Variants in PRRC2B observed in about 807,000 individuals in gnomAD.
PRRC2B encodes proline rich coiled-coil 2B.
A neutral mutation model predicts 242.3 loss-of-function variants in PRRC2B; 68 were observed. The ratio of observed to expected loss-of-function variants is 0.28; its 90% confidence interval spans 0.23 to 0.34. The LOEUF (loss-of-function observed/expected upper bound fraction) is 0.34, where lower values mean the gene tolerates loss of function less well. PRRC2B is among the 10% of genes least tolerant of loss of function. The probability of loss-of-function intolerance (pLI) is 1.00; values close to 1 mark genes in which losing one functional copy is unlikely to be tolerated. For synonymous variants in PRRC2B, 1,228 were observed against 1,173.6 expected, an observed-to-expected ratio of 1.05 and a Z score of -0.95; for missense variants, 2,835 against 2,954.8, an observed-to-expected ratio of 0.96 and a Z score of 0.94.
At chr9:131,465,737 A>AT (rs961462981) in intron 12 of PRRC2B, among the ~76,000 whole-genome samples, 68 of 150,346 alleles carry the variant, frequency 4.5e-4, no homozygotes, top group South Asian at 1.3e-3. Context: ...ACATGGCCCT[A>AT]TTTTTTTTTT....
intron 10 of PRRC2B, among the ~76,000 whole-genome samples, chr9:131,456,435 T>A (rs1056002662): frequency 6.6e-6 from 1 of 151,624 alleles, no homozygotes; most frequent in Non-Finnish European, 1.5e-5. Context: ...ATCGAGACCA[T>A]CCTGGCTAAC....
intron 1 of PRRC2B, among the ~76,000 whole-genome samples, chr9:131,408,198 T>G (rs1023520075): frequency 6.6e-6 from 1 of 152,210 alleles, no homozygotes; most frequent in Admixed American, 6.5e-5. Context: ...ATTTACCTAA[T>G]GAGAGGTCTC....
upstream of PRRC2B, chr9:131,393,958 C>G (rs991063854): frequency 9.2e-5 from 14 of 151,618 alleles, no homozygotes; most frequent in African/African-American, 2.9e-4. Flanking sequence ...AAGGCCGCCG[C>G]TCCCGGGAGG....
intron 9 of PRRC2B, 126 bp downstream of exon 9, chr9:131,447,930 A>G: frequency 9.7e-7 from 1 of 1,027,344 alleles, no homozygotes; most frequent in Non-Finnish European, 1.4e-6. Context: ...AGAGCCGGAC[A>G]GGGAAGCAGA....
chr9:131,416,399 G>A (rs1020293133), intron 1 of PRRC2B, among the ~76,000 whole-genome samples: 8 of 152,096 alleles, frequency 5.3e-5, no homozygotes, highest in African/African-American at 1.9e-4. Context: ...GAGCCACTGC[G>A]CCTGGCCTCT....
In PRRC2B at chr9:131,491,571, C is replaced by T. The variant is rs769784671; in HGVS notation, c.6372C>T (p.Thr2124=). 25 of 1,610,260 alleles carry T rather than the reference C, an allele frequency of 1.6e-5. No homozygotes were observed. The Admixed American group carries it at 4.2e-4, about 27-fold the overall frequency. ...GGTCCCAGCCGCCAGTCCTGAACAC[C>T]AGCAGAGAGGTAAGGGGACCCCATC... The part of the protein sequence containing the change: ...PPGSQPPVLN[T]SREPSQMEMK... The change falls in exon 29 of 32, where the codon ACC becomes ACT. Residue 2124 remains threonine, a synonymous_variant. Transcript: ENST00000683519.
chr9:131,468,078 C>T (rs192492991), intron 13 of PRRC2B, among the ~76,000 whole-genome samples: 80 of 152,304 alleles, frequency 5.3e-4, no homozygotes, highest in African/African-American at 1.8e-3. Flanking sequence ...TTCTAGTGTG[C>T]AGGCTGGTTG....
At chr9:131,384,526 C>T (rs909210510) in intron 1 of PRRC2B, among the ~76,000 whole-genome samples, 1 of 152,084 alleles carries the variant, frequency 6.6e-6, no homozygotes, top group Non-Finnish European at 1.5e-5. Context: ...TCAAGTGATC[C>T]GCCCACCTCG....
chr9:131,469,580 G>T (rs541663231), intron 13 of PRRC2B, among the ~76,000 whole-genome samples: 4 of 152,354 alleles, frequency 2.6e-5, no homozygotes, highest in African/African-American at 9.6e-5. Context: ...AATCAGCTCA[G>T]GATGTGCTGT....
At chr9:131,478,175 G>A (rs1410668705) in intron 17 of PRRC2B, among the ~76,000 whole-genome samples, 5 of 152,124 alleles carry the variant, frequency 3.3e-5, no homozygotes, top group African/African-American at 1.2e-4. Context: ...TGCAGCTTCC[G>A]GGCTTTAAAG....
chr9:131,438,252 G>C lies in PRRC2B; in HGVS notation c.397-737G>C, dbSNP rs556537862. Among the ~76,000 whole-genome samples the C allele has an allele frequency of 3.3e-5, 5 of 152,296 alleles. No homozygotes were observed. In the East Asian group the frequency reaches 9.6e-4, roughly 29 times the overall value. ...AAAAGACGGGTGAGCTTAGTGGTTAGAGACTCGAAAGGGCACTGGACATAG... is the reference window on the plus strand; with the variant it reads ...AAAAGACGGGTGAGCTTAGTGGTTACAGACTCGAAAGGGCACTGGACATAG... On this transcript the variant is annotated intron_variant, in intron 4 of 31. Coordinates refer to ENST00000683519, the MANE Select transcript of PRRC2B (RefSeq NM_013318.4).
chr9:131,446,686 T>C lies in PRRC2B; in HGVS notation c.855+44T>C. On this transcript the variant is annotated intron_variant, in intron 7 of 31. Transcript: ENST00000683519. This position sits in a 1 kb window ranked among gnomAD's most constrained non-coding sequence, Gnocchi z 4.1. ...CTTTTTTTCCCCCCATGAAGTTGGA[T>C]TGTGTCCAGCAGATAGGTCAAGTGG... The C allele has an allele frequency of 6.2e-7, 1 of 1,606,572 alleles. No individual in the cohort carries two copies. The highest frequency in any genetic ancestry group is 1.7e-4 in the Middle Eastern group (1 of 6,030).
chr9:131,495,979 C>A lies in PRRC2B; in HGVS notation c.*105C>A. 6.8e-7 allele frequency: 1 copy of A among 1,477,744 alleles called. No individual in the cohort carries two copies. The highest frequency in any genetic ancestry group is 9.1e-7 in the Non-Finnish European group (1 of 1,094,540). The allele number at this position is 1,477,744 out of a possible 1,614,324, so 91.5% of individuals were successfully genotyped here. ...CCTCACCAGATCCACCGTCCAAATG[C>A]GTGGCCCAGACTGAGAGACCTCCCT... On this transcript the variant is annotated 3_prime_UTR_variant, in exon 32 of 32. Coordinates refer to ENST00000683519, the MANE Select transcript of PRRC2B (RefSeq NM_013318.4).
intron 1 of PRRC2B, among the ~76,000 whole-genome samples, chr9:131,419,862 G>A (rs979291790): frequency 1.3e-5 from 2 of 151,830 alleles, no homozygotes; most frequent in South Asian, 4.2e-4. Context: ...GGGGGGTCTG[G>A]ACTTGACCCT....
At chr9:131,400,701 G>A (rs925431545) in intron 1 of PRRC2B, among the ~76,000 whole-genome samples, 2 of 152,042 alleles carry the variant, frequency 1.3e-5, no homozygotes, top group African/African-American at 4.8e-5. Flanking sequence ...CATGAGCCAC[G>A]GCACCCAGCA....
chr9:131,469,459 C>T (rs555910110), intron 13 of PRRC2B, among the ~76,000 whole-genome samples: 2 of 152,320 alleles, frequency 1.3e-5, no homozygotes, highest in Admixed American at 6.5e-5. Flanking sequence ...TGGAGGCCCA[C>T]AGCCTTCTCT....
chr9:131,456,406 C>T (rs1386797739), intron 10 of PRRC2B, among the ~76,000 whole-genome samples: 2 of 151,658 alleles, frequency 1.3e-5, no homozygotes, highest in African/African-American at 4.8e-5. Context: ...CCAAGGCGGG[C>T]GGATCACGAG....
At chr9:131,376,448 A>T (rs1391531214) in intron 1 of PRRC2B, among the ~76,000 whole-genome samples, 1 of 151,176 alleles carries the variant, frequency 6.6e-6, no homozygotes, top group Non-Finnish European at 1.5e-5. Flanking sequence ...AGTAGCTGTG[A>T]CAGAGACTAC....
intron 19 of PRRC2B, among the ~76,000 whole-genome samples, 185 bp from the exon 20 acceptor site, chr9:131,481,541 G>A (rs1032868477): frequency 2.0e-5 from 3 of 151,974 alleles, no homozygotes; most frequent in African/African-American, 4.8e-5. Context: ...AAGGCTGTCA[G>A]ACCAGCTCTT....
Sources: allele counts gnomAD v4.1 joint callset (sites outside exome capture counted in the v4.1 genomes callset), GRCh38; gene constraint gnomAD v4.1.1; non-coding constraint Gnocchi (gnomAD v3.1); transcripts MANE v1.5; gene names NCBI Gene and HGNC (gene_info 2026-07-23, HGNC 2026-07-21).